The following TSC22D4 variants were observed in gnomAD, a reference collection of about 807,000 sequenced individuals.
The protein encoded by TSC22D4 is TSC22 domain family protein 4.
In TSC22D4, 5 loss-of-function variants were observed where a neutral mutation model predicts 24.9. The observed-to-expected ratio is 0.20, with a 90% confidence interval of 0.10 to 0.42. The LOEUF (loss-of-function observed/expected upper bound fraction) is 0.42. Ranked by LOEUF, TSC22D4 falls within the 10% of genes least tolerant of loss-of-function variation. TSC22D4 has a pLI of 1.00. For missense variants in TSC22D4, 469 were observed against 547.9 expected, an observed-to-expected ratio of 0.86 and a Z score of 1.44; for synonymous variants, 245 against 243.2, an observed-to-expected ratio of 1.01 and a Z score of -0.07.
chr7:100,478,216 G>A lies in TSC22D4; in HGVS notation c.-178C>T. ...ACCGGGGGTGCCTGCTGGGTGAGGG[G>A]AGAAGAGGAGAGGGGAGGTGGCGGG... On this transcript the variant is annotated 5_prime_UTR_variant, in exon 2 of 5. Transcript: ENST00000300181. 2.5e-6 allele frequency: 1 copy of A among 395,344 alleles called. No homozygotes were observed. Among genetic ancestry groups the A allele is most frequent in the Non-Finnish European group, 4.7e-6 (1 of 211,538 alleles). The allele number at this position is 395,344 out of a possible 1,614,324, so 24.5% of individuals were successfully genotyped here. A position where few individuals can be genotyped will look rare whatever the true frequency, so the allele number is the denominator to read the frequency against.
Position 100,477,576 on chromosome 7 carries a change from G to T in TSC22D4, c.463C>A (p.Pro155Thr), listed in dbSNP as rs756287893. The T allele has an allele frequency of 1.3e-6, 2 of 1,584,994 alleles. No individual in the cohort carries two copies. Among genetic ancestry groups the T allele is most frequent in the Non-Finnish European group, 8.6e-7 (1 of 1,166,528 alleles). ...GCCTGAGGTCCAGGAGAGGTGGGGG[G>T]TGGACGGAGCCAGGAGGTGGGGCCC... ...SQGPTSWLRP[P>T]PTSPGPQARS... Residue 155 changes from proline to threonine, a missense_variant, in exon 2 of 5, where the codon CCC (proline) becomes ACC (threonine). Pro to Thr is a conservative substitution (Grantham distance 38, BLOSUM62 -1). Transcript: ENST00000300181. The surrounding 1 kb of genome is among the most constrained non-coding windows in gnomAD (Gnocchi z 7.8).
At position 100,474,315 on chromosome 7, in the gene TSC22D4, G is replaced by C. The variant is rs753420837; in HGVS notation, c.888C>G (p.Ser296=). 6.2e-7 allele frequency: 1 copy of C among 1,614,116 alleles called. No homozygotes were observed. Among genetic ancestry groups the C allele is most frequent in the Non-Finnish European group, 8.5e-7 (1 of 1,180,010 alleles). Residue 296 remains serine (S), a synonymous_variant, in exon 3 of 5, where the codon TCC becomes TCG. Transcript: ENST00000300181. This position sits in a 1 kb window ranked among gnomAD's most constrained non-coding sequence, Gnocchi z 4.3. ...CTAGGTGACCACTGATGGCCAACAT[G>C]GAGTGGGCCAGGCTGAACTTCTGAG... is the stretch of plus-strand genomic sequence containing the variant. ...VAAQKFSLAH[S]MLAISGHLDS...
At chr7:100,471,764 CA>C (rs960687547) in intron 3 of TSC22D4, among the ~76,000 whole-genome samples, 4 of 150,706 alleles carry the variant, frequency 2.7e-5, no homozygotes, top group Admixed American at 6.6e-5. Flanking sequence ...AAAAACAAAA[CA>C]AAAAAAAACC....
intron 3 of TSC22D4, among the ~76,000 whole-genome samples, chr7:100,468,996 C>T (rs1000076772): frequency 1.3e-5 from 2 of 149,644 alleles, no homozygotes; most frequent in Non-Finnish European, 3.0e-5. Flanking sequence ...GAGGCTGAGG[C>T]GAGTGGATCA....
In TSC22D4 at chr7:100,477,521, A is replaced by G. The variant is rs1422658227; in HGVS notation, c.518T>C (p.Leu173Pro). Residue 173 changes from leucine to proline, a missense_variant, in exon 2 of 5, where the codon CTG (leucine) becomes CCG (proline). Leu to Pro is a moderately conservative substitution (Grantham distance 98). Coordinates refer to ENST00000300181, the MANE Select transcript of TSC22D4 (RefSeq NM_030935.5). The surrounding 1 kb of genome is among the most constrained non-coding windows in gnomAD (Gnocchi z 7.8). ...TGCCTTGGCTTTGCTGGGCACCACC[A>G]GCTGGCCCAGTCCCCCAGTGAAGGA... is the stretch of plus-strand genomic sequence containing the variant. ...ARSFTGGLGQ[L>P]VVPSKAKAEK... 2 of 1,558,684 alleles carry G rather than the reference A, an allele frequency of 1.3e-6. No individual in the cohort carries two copies. Among genetic ancestry groups the G allele is most frequent in the Non-Finnish European group, 8.7e-7 (1 of 1,152,736 alleles).
Position 100,466,980 on chromosome 7 carries a change from C to A in TSC22D4, c.1167G>T (p.Ala389=). The change falls in exon 5 of 5, where the codon GCG becomes GCT. Residue 389 remains alanine, a synonymous_variant. Coordinates refer to ENST00000300181, the MANE Select transcript of TSC22D4 (RefSeq NM_030935.5). ...AGGCTCAGACGGAGGGCCCATTGGGCGCAGGGGGCCCAAGCCGTGGGACCC... is the reference window on the plus strand; with the variant it reads ...AGGCTCAGACGGAGGGCCCATTGGGAGCAGGGGGCCCAAGCCGTGGGACCC... ...SSGVPRLGPP[A]PNGPSV is the part of the protein sequence containing the mutation. The A allele has an allele frequency of 6.3e-7, 1 of 1,581,536 alleles. No homozygotes were observed. Among genetic ancestry groups the A allele is most frequent in the Non-Finnish European group, 8.6e-7 (1 of 1,163,812 alleles).
chr7:100,475,049 C>T (rs1402908723), intron 2 of TSC22D4, among the ~76,000 whole-genome samples: 3 of 152,188 alleles, frequency 2.0e-5, no homozygotes, highest in Admixed American at 2.0e-4. Flanking sequence ...GATCCTCCTG[C>T]CTCAGCCTCC....
intron 3 of TSC22D4, chr7:100,473,664 ACTC>A (rs1799436012): frequency 6.7e-6 from 1 of 149,862 alleles, no homozygotes; most frequent in African/African-American, 2.5e-5. Flanking sequence ...CTGGCCTCGA[ACTC>A]CTGACCTCAG....
chr7:100,477,403 G>A lies in TSC22D4; in HGVS notation c.636C>T (p.Pro212=). The A allele has an allele frequency of 6.3e-7, 1 of 1,596,482 alleles. No homozygotes were observed. Among genetic ancestry groups the A allele is most frequent in the Non-Finnish European group, 8.5e-7 (1 of 1,170,752 alleles). The change falls in exon 2 of 5, where the codon CCC becomes CCT. Residue 212 remains proline, a synonymous_variant. Coordinates refer to ENST00000300181, the MANE Select transcript of TSC22D4 (RefSeq NM_030935.5). The surrounding 1 kb of genome is among the most constrained non-coding windows in gnomAD (Gnocchi z 7.8). Reference sequence around the variant, plus strand: ...CCGCTTCCACCCTCAGAGAGGGCAGGGGCGTGGCAGCCCGGGATGTGCCCG... The same window carrying A: ...CCGCTTCCACCCTCAGAGAGGGCAGAGGCGTGGCAGCCCGGGATGTGCCCG... ...ESAGTSRAAT[P]LPSLRVEAEA... is the part of the protein sequence containing the mutation.
intron 3 of TSC22D4, among the ~76,000 whole-genome samples, chr7:100,472,879 C>A (rs768391508): frequency 2.6e-5 from 4 of 152,254 alleles, no homozygotes; most frequent in Middle Eastern, 3.4e-3. Context: ...GAAGGAGCGA[C>A]TCCCATCTGG....
At position 100,474,589 on chromosome 7, in the gene TSC22D4, T is replaced by A; in HGVS notation, c.763-149A>T. Reference sequence around the variant, plus strand: ...TCCTGTCCCCGCAGTCCTTCCCTCCTCCAGCTCTGGAGAAGGCATTAGGCA... The same window carrying A: ...TCCTGTCCCCGCAGTCCTTCCCTCCACCAGCTCTGGAGAAGGCATTAGGCA... On this transcript the variant is annotated intron_variant, in intron 2 of 4. Coordinates refer to ENST00000300181, the MANE Select transcript of TSC22D4 (RefSeq NM_030935.5). This position sits in a 1 kb window ranked among gnomAD's most constrained non-coding sequence, Gnocchi z 4.3. The A allele has an allele frequency of 1.1e-6, 1 of 924,406 alleles. No individual in the cohort carries two copies. Among genetic ancestry groups the A allele is most frequent in the Non-Finnish European group, 1.6e-6 (1 of 620,924 alleles). 57.3% of individuals were successfully genotyped at this position (924,406 alleles called of 1,614,324 possible).
Position 100,477,128 on chromosome 7 carries a change from A to C in TSC22D4, c.762+149T>G. On this transcript the variant is annotated intron_variant, in intron 2 of 4. Coordinates refer to ENST00000300181, the MANE Select transcript of TSC22D4 (RefSeq NM_030935.5). This position sits in a 1 kb window ranked among gnomAD's most constrained non-coding sequence, Gnocchi z 7.8. ...AAATGAAGTAGGAGGAAGGGGCTTC[A>C]GAGTGACCTGGCAGGCACAGAGAAG... 3.1e-6 allele frequency: 2 copies of C among 640,040 alleles called. No homozygotes were observed. The highest frequency in any genetic ancestry group is 3.0e-5 in the Admixed American group (1 of 33,750). 39.6% of individuals were successfully genotyped at this position (640,040 alleles called of 1,614,324 possible).
intron 3 of TSC22D4, among the ~76,000 whole-genome samples, chr7:100,473,443 TTTG>T (rs1312362349): frequency 3.3e-5 from 5 of 151,976 alleles, no homozygotes; most frequent in African/African-American, 7.2e-5. Context: ...TTCAGTTTTT[TTTG>T]TTGTTTTTTT....
chr7:100,468,203 C>T (rs934632690), intron 3 of TSC22D4: 17 of 314,726 alleles, frequency 5.4e-5, no homozygotes, highest in East Asian at 5.2e-4. Context: ...TTCCCAGACA[C>T]GGTCAGTGCC....
At position 100,477,801 on chromosome 7, in the gene TSC22D4, C is replaced by A. The variant is rs1014302727; in HGVS notation, c.238G>T (p.Gly80Cys). ...SRFRVVKLPH[G>C]LGEPYRRGRW... ...CCGCGGCGATAAGGCTCTCCCAGGCCGTGGGGCAGCTTCACCACCCGGAAA... is the reference window on the plus strand; with the variant it reads ...CCGCGGCGATAAGGCTCTCCCAGGCAGTGGGGCAGCTTCACCACCCGGAAA... Residue 80 changes from glycine (G) to cysteine (C), a missense_variant, in exon 2 of 5, where the codon GGC (glycine) becomes TGC (cysteine). Transcript: ENST00000300181. The surrounding 1 kb of genome is among the most constrained non-coding windows in gnomAD (Gnocchi z 7.8). The A allele has an allele frequency of 1.2e-6, 2 of 1,607,314 alleles. No individual in the cohort carries two copies. The highest frequency in any genetic ancestry group is 1.7e-6 in the Non-Finnish European group (2 of 1,179,574).
chr7:100,467,485 C>G, intron 4 of TSC22D4, 67 bp downstream of exon 4: 1 of 1,540,222 alleles, frequency 6.5e-7, no homozygotes. Flanking sequence ...AGGAAGAGGA[C>G]AGGGCTGGGG....
chr7:100,468,475 G>A (rs560887427), intron 3 of TSC22D4, among the ~76,000 whole-genome samples: 5 of 152,256 alleles, frequency 3.3e-5, no homozygotes, highest in South Asian at 2.1e-4. Flanking sequence ...TGACGTGCTC[G>A]TGGTCTTCCA....
rs1799511817 is a variant in TSC22D4 at position 100,477,181 on chromosome 7, GAGA to G, written c.762+93_762+95del. On this transcript the variant is annotated intron_variant, in intron 2 of 4. Transcript: ENST00000300181. This position sits in a 1 kb window ranked among gnomAD's most constrained non-coding sequence, Gnocchi z 7.8. ...GGCTATCTGATCTTATAAAGTGATG[GAGA>G]AGGAGGAGGAGAGGGGGGGGAGGAG... is the stretch of plus-strand genomic sequence containing the variant. 3 of 1,068,612 alleles carry G rather than the reference GAGA, an allele frequency of 2.8e-6. No individual in the cohort carries two copies. The highest frequency in any genetic ancestry group is 1.7e-5 in the African/African-American group (1 of 58,198). 66.2% of individuals were successfully genotyped at this position (1,068,612 alleles called of 1,614,324 possible).
intron 3 of TSC22D4, chr7:100,468,109 C>T: frequency 2.8e-6 from 1 of 352,794 alleles, no homozygotes; most frequent in South Asian, 2.2e-5. Flanking sequence ...TATACACCAC[C>T]CCCCCAAGGG....
Sources: allele counts gnomAD v4.1 joint callset (sites outside exome capture counted in the v4.1 genomes callset), GRCh38; gene constraint gnomAD v4.1.1; non-coding constraint Gnocchi (gnomAD v3.1); transcripts MANE v1.5; gene names NCBI Gene and HGNC (gene_info 2026-07-23, HGNC 2026-07-21).